The following TFEC variants were observed in gnomAD, a reference collection of about 807,000 sequenced individuals.
TFEC encodes transcription factor EC, also known as class E basic helix-loop-helix protein 34.
A neutral mutation model predicts 41.6 loss-of-function variants in TFEC; 31 were observed. The observed-to-expected ratio is 0.74, with a 90% CI of 0.56 to 1.01. The LOEUF (loss-of-function observed/expected upper bound fraction) is 1.01. Ranked by LOEUF, TFEC falls within the 50% of genes least tolerant of loss-of-function variation. The probability of loss-of-function intolerance (pLI) is 0.00; values close to 1 mark genes in which losing one functional copy is unlikely to be tolerated. For synonymous variants in TFEC, 143 were observed against 140.6 expected (o/e 1.02, Z -0.12); for missense variants, 402 against 404.1 (o/e 0.99, Z 0.04).
intron 1 of TFEC, among the ~76,000 whole-genome samples, chr7:116,029,976 GA>G (rs1228956727): frequency 6.6e-6 from 1 of 152,026 alleles, no homozygotes; most frequent in Admixed American, 6.6e-5. Flanking sequence ...TGAGGCAGGA[GA>G]ATCACTTCAA....
At chr7:116,100,534 G>A (rs112301222) in intron 3 of TFEC, among the ~76,000 whole-genome samples, 98 of 152,150 alleles carry the variant, frequency 6.4e-4, no homozygotes, top group African/African-American at 2.3e-3. Context: ...TTTCCCCATA[G>A]TGTAGTATTG....
intron 3 of TFEC, among the ~76,000 whole-genome samples, chr7:116,091,567 C>T (rs1325451799): frequency 1.3e-5 from 2 of 151,752 alleles, no homozygotes; most frequent in Non-Finnish European, 2.9e-5. Flanking sequence ...AAGATGTTTC[C>T]GTAAGAGAAT....
chr7:115,989,220 T>G (rs1447494354), intron 1 of TFEC, among the ~76,000 whole-genome samples: 1 of 152,222 alleles, frequency 6.6e-6, no homozygotes. Flanking sequence ...TTGCTTATTT[T>G]CTTATTCTTC....
At chr7:116,050,188 C>G (rs1313651675) in intron 3 of TFEC, among the ~76,000 whole-genome samples, 1 of 152,032 alleles carries the variant, frequency 6.6e-6, no homozygotes, top group African/African-American at 2.4e-5. Flanking sequence ...ATCAATGAAT[C>G]CAGGAGCTGG....
intron 1 of TFEC, among the ~76,000 whole-genome samples, chr7:116,144,290 T>C (rs1403382153): frequency 2.6e-5 from 4 of 152,168 alleles, no homozygotes; most frequent in Admixed American, 6.5e-5. Flanking sequence ...ATCTAGGTAT[T>C]TGGATTATTA....
intron 3 of TFEC, among the ~76,000 whole-genome samples, chr7:116,068,275 A>G (rs1796741977): frequency 6.6e-6 from 1 of 151,802 alleles, no homozygotes; most frequent in South Asian, 2.1e-4. Context: ...CCCTGATCTC[A>G]CTGAACCTGG....
chr7:115,954,565 T>C (rs1472553088), intron 5 of TFEC, 21 bp downstream of exon 5: 1 of 1,598,226 alleles, frequency 6.3e-7, no homozygotes, highest in African/African-American at 1.3e-5. Context: ...ATTAATTTTA[T>C]ATGGAAAAAT....
At chr7:115,943,529 A>C (rs1793616798) in intron 6 of TFEC, among the ~76,000 whole-genome samples, 2 of 149,718 alleles carry the variant, frequency 1.3e-5, no homozygotes, top group Admixed American at 1.3e-4. Context: ...GCCTCCCTTC[A>C]ATTTGTACCT....
intron 3 of TFEC, among the ~76,000 whole-genome samples, chr7:116,045,184 AT>A (rs1783868362): frequency 6.6e-6 from 1 of 152,242 alleles, no homozygotes; most frequent in South Asian, 2.1e-4. Flanking sequence ...TGTTGACCAA[AT>A]GCCTGATAAC....
Position 115,941,842 on chromosome 7 carries a change from A to G in TFEC, c.663+51T>C, listed in dbSNP as rs376449711. 1.0e-3 allele frequency: 1,603 copies of G among 1,563,332 alleles called. 4 individuals carry two copies. The highest frequency in any genetic ancestry group is 1.3e-3 in the Non-Finnish European group (1,445 of 1,152,774). The stretch of plus-strand genomic sequence containing the variant: ...GAGACCAATGAAGAAAACTGATGAC[A>G]GCTGAGTCATGTGTAAGCTATGTGA... On this transcript the variant is annotated intron_variant, in intron 7 of 7. Transcript: ENST00000265440.
intron 1 of TFEC, among the ~76,000 whole-genome samples, chr7:116,020,761 T>C (rs1428037612): frequency 1.3e-5 from 2 of 152,114 alleles, no homozygotes; most frequent in Non-Finnish European, 2.9e-5. Context: ...TATCTAATCG[T>C]ACCATTGGAT....
chr7:116,005,094 T>C (rs1170856483), intron 1 of TFEC, among the ~76,000 whole-genome samples: 2 of 152,160 alleles, frequency 1.3e-5, no homozygotes, highest in Non-Finnish European at 2.9e-5. Flanking sequence ...AACTGTAAGT[T>C]GATTAAACCT....
At chr7:116,153,110 A>G (rs1798795455) in intron 1 of TFEC, among the ~76,000 whole-genome samples, 1 of 152,220 alleles carries the variant, frequency 6.6e-6, no homozygotes, top group South Asian at 2.1e-4. Context: ...ATTATACTGG[A>G]CAATATAAAT....
intron 3 of TFEC, among the ~76,000 whole-genome samples, chr7:116,059,533 A>C (rs1796504512): frequency 6.6e-6 from 1 of 151,950 alleles, no homozygotes. Flanking sequence ...AGATTTTACA[A>C]AACAAGAAAA....
At chr7:115,994,398 C>T (rs1032373162) in intron 1 of TFEC, among the ~76,000 whole-genome samples, 1 of 152,196 alleles carries the variant, frequency 6.6e-6, no homozygotes, top group African/African-American at 2.4e-5. Context: ...GCAATGGAAA[C>T]TACCATCAGA....
At chr7:116,086,207 G>A (rs958265745) in intron 3 of TFEC, among the ~76,000 whole-genome samples, 15 of 151,708 alleles carry the variant, frequency 9.9e-5, no homozygotes, top group African/African-American at 3.6e-4. Context: ...ATAAAGAGGG[G>A]CACTTTAGAT....
intron 5 of TFEC, among the ~76,000 whole-genome samples, chr7:115,951,348 G>A (rs916163008): frequency 1.6e-4 from 25 of 151,948 alleles, no homozygotes; most frequent in African/African-American, 6.0e-4. Flanking sequence ...CTCATATACT[G>A]TCCTCAAAGC....
intron 1 of TFEC, among the ~76,000 whole-genome samples, chr7:116,132,074 C>T (rs568743063): frequency 1.6e-4 from 25 of 152,224 alleles, no homozygotes; most frequent in African/African-American, 3.6e-4. Context: ...GGCTTTTTTT[C>T]TTTCCATCAT....
chr7:115,952,399 AAAT>A (rs1347413730), intron 5 of TFEC, among the ~76,000 whole-genome samples: 5 of 152,118 alleles, frequency 3.3e-5, no homozygotes, highest in South Asian at 2.1e-4. Flanking sequence ...TGCACATATA[AAAT>A]AATAAGAATT....
Sources: allele counts gnomAD v4.1 joint callset (sites outside exome capture counted in the v4.1 genomes callset), GRCh38; gene constraint gnomAD v4.1.1; transcripts MANE v1.5; gene names NCBI Gene and HGNC (gene_info 2026-07-23, HGNC 2026-07-21).